Variants in ANKRD30B observed in about 807,000 individuals in gnomAD.
ANKRD30B encodes ankyrin repeat domain-containing protein 30B.
A neutral mutation model predicts 202.2 loss-of-function variants in ANKRD30B; 144 were observed. The ratio of observed to expected loss-of-function variants is 0.71; its 90% CI spans 0.62 to 0.82. The LOEUF (loss-of-function observed/expected upper bound fraction) is 0.82, where lower values mean the gene tolerates loss of function less well. Among genes scored for constraint, ANKRD30B ranks in the 40% least tolerant of loss-of-function variants. The pLI is 0.00. For missense variants in ANKRD30B, 1,487 were observed against 1,669.1 expected, an observed-to-expected ratio of 0.89 and a Z score of 1.90; for synonymous variants, 508 against 561.3, an observed-to-expected ratio of 0.91 and a Z score of 1.34.
At chr18:14,784,298 T>A in intron 12 of ANKRD30B, 38 bp from the exon 13 acceptor site, 1 of 1,599,344 alleles carries the variant, frequency 6.3e-7, no homozygotes, top group Non-Finnish European at 8.6e-7. Flanking sequence ...TTTGTCATAT[T>A]TACTTATGAT....
rs1375997719 is a variant in ANKRD30B at position 14,823,364 on chromosome 18, A to AATGCTG, written c.2743+690_2743+695dup. 4.1e-5 allele frequency among the ~76,000 whole-genome samples: 6 copies of AATGCTG among 144,670 alleles called. No homozygotes were observed. The East Asian group carries it at 1.2e-3, about 29-fold the overall frequency. The allele number at this position is 144,670 out of a possible 152,430, so 94.9% of individuals were successfully genotyped here. ...ACTGTGAAATATTTGCAGTGGTTCA[A>AATGCTG]ATGCTGATTGGAATTCTGATCTTTA... On this transcript the variant is annotated intron_variant, in intron 32 of 43. Coordinates refer to ENST00000690538, the MANE Select transcript of ANKRD30B (RefSeq NM_001367607.2).
intron 5 of ANKRD30B, among the ~76,000 whole-genome samples, chr18:14,759,900 TA>T (rs918062728): frequency 2.7e-4 from 41 of 152,270 alleles, no homozygotes; most frequent in African/African-American, 9.1e-4. Flanking sequence ...ACACTTTTTT[TA>T]AAAAAATTAA....
chr18:14,844,573 A>G (rs1356624982), intron 39 of ANKRD30B, among the ~76,000 whole-genome samples: 1 of 152,226 alleles, frequency 6.6e-6, no homozygotes, highest in Non-Finnish European at 1.5e-5. Flanking sequence ...TAGTAGCATG[A>G]TTTATAATCC....
chr18:14,822,771 T>C (rs540014838), intron 32 of ANKRD30B, 94 bp downstream of exon 32: 1 of 1,365,922 alleles, frequency 7.3e-7, no homozygotes, highest in African/African-American at 1.5e-5. Context: ...TGTTTTCTTT[T>C]CAAAATTGGA....
chr18:14,823,946 G>A (rs1275316429), intron 32 of ANKRD30B, among the ~76,000 whole-genome samples: 2 of 151,976 alleles, frequency 1.3e-5, no homozygotes, highest in East Asian at 3.9e-4. Context: ...CTCCAGCCTT[G>A]GTAACAGAGT....
Position 14,748,525 on chromosome 18 carries a change from T to C in ANKRD30B, c.106T>C (p.Phe36Leu). The change falls in exon 1 of 44, where the codon TTC (phenylalanine) becomes CTC (leucine). Residue 36 changes from phenylalanine (F) to leucine (L), a missense_variant. Coordinates refer to ENST00000690538, the MANE Select transcript of ANKRD30B (RefSeq NM_001367607.2). ...TGAGAAGGACTACGGGACCATCTAC[T>C]TCGGGGATCTAGGGAAGATCCATAC... ...YTEKDYGTIYFGDLGKIHTAA... is the reference protein window; with the variant it reads ...YTEKDYGTIYLGDLGKIHTAA... 1 of 1,552,758 alleles carries C rather than the reference T, an allele frequency of 6.4e-7. No homozygotes were observed. The highest frequency in any genetic ancestry group is 8.7e-7 in the Non-Finnish European group (1 of 1,147,520).
the ANKRD30B span, among the ~76,000 whole-genome samples, chr18:14,871,489 G>A: frequency 2.0e-5 from 3 of 151,172 alleles, no homozygotes; most frequent in African/African-American, 7.3e-5. Flanking sequence ...AGTGACCATT[G>A]CCCCTGGGTT....
At chr18:14,795,036 A>C (rs1968780032) in intron 16 of ANKRD30B, among the ~76,000 whole-genome samples, 5 of 152,242 alleles carry the variant, frequency 3.3e-5, no homozygotes, top group Non-Finnish European at 7.3e-5. Context: ...ATGGTATAAC[A>C]AATAGAATTA....
At position 14,798,634 on chromosome 18, in the gene ANKRD30B, T is replaced by C. The variant is rs1344471413; in HGVS notation, c.2030-467T>C. ...CGTTCATAGCACTATCTTATCCATA[T>C]GGACAGGCACCCCCCTCCGTGCGTC... is the stretch of plus-strand genomic sequence containing the variant. On this transcript the variant is annotated intron_variant, in intron 20 of 43. Transcript: ENST00000690538. Among the ~76,000 whole-genome samples, 7 of 152,240 alleles carry C rather than the reference T, an allele frequency of 4.6e-5. No individual in the cohort carries two copies. In the East Asian group the frequency reaches 1.4e-3, roughly 29 times the overall value.
chr18:14,887,261 A>G, the ANKRD30B span, among the ~76,000 whole-genome samples: 1 of 151,982 alleles, frequency 6.6e-6, no homozygotes, highest in African/African-American at 2.4e-5. Context: ...CCTTATTCCT[A>G]ACTGTATCTT....
At chr18:14,770,838 G>A (rs1966951821) in intron 8 of ANKRD30B, among the ~76,000 whole-genome samples, 1 of 151,964 alleles carries the variant, frequency 6.6e-6, no homozygotes, top group African/African-American at 2.4e-5. Context: ...AGAGCCACTG[G>A]GAAAGGTCTC....
the ANKRD30B span, among the ~76,000 whole-genome samples, chr18:14,860,601 AT>A: frequency 1.3e-5 from 2 of 150,844 alleles, no homozygotes; most frequent in South Asian, 4.2e-4. Flanking sequence ...CAAATTACCT[AT>A]AAAGTAAATT....
At chr18:14,800,446 T>G (rs1489716283) in intron 22 of ANKRD30B, among the ~76,000 whole-genome samples, 3 of 151,132 alleles carry the variant, frequency 2.0e-5, no homozygotes, top group African/African-American at 7.4e-5. Context: ...TGCCTGGGCC[T>G]CCCAAGTAGC....
chr18:14,835,328 G>T (rs1971125730), intron 34 of ANKRD30B, among the ~76,000 whole-genome samples: 1 of 151,386 alleles, frequency 6.6e-6, no homozygotes, highest in Non-Finnish European at 1.5e-5. Context: ...TTGTTTTAAA[G>T]TAAAGTACCT....
the ANKRD30B span, among the ~76,000 whole-genome samples, chr18:14,937,782 T>G: frequency 1.3e-5 from 2 of 152,250 alleles, no homozygotes; most frequent in Non-Finnish European, 2.9e-5. Context: ...CTTTTGTTAC[T>G]TTGTGTGTGC....
chr18:14,911,563 C>T, the ANKRD30B span, among the ~76,000 whole-genome samples: 1 of 151,958 alleles, frequency 6.6e-6, no homozygotes, highest in Admixed American at 6.6e-5. Context: ...TAATGTGATG[C>T]CTCCTCCTTT....
At chr18:14,827,294 A>G (rs1398770790) in intron 32 of ANKRD30B, among the ~76,000 whole-genome samples, 1 of 152,178 alleles carries the variant, frequency 6.6e-6, no homozygotes, top group African/African-American at 2.4e-5. Flanking sequence ...ACTCCTTAGA[A>G]TGACACATTA....
chr18:14,808,277 A>G lies in ANKRD30B; in HGVS notation c.2285-274A>G, dbSNP rs200181436. The G allele has an allele frequency of 9.2e-6, 4 of 435,926 alleles. No homozygotes were observed. The East Asian group carries it at 2.2e-4, about 24-fold the overall frequency. The allele number at this position is 435,926 out of a possible 1,614,324, so 27.0% of individuals were successfully genotyped here. On this transcript the variant is annotated intron_variant, in intron 24 of 43. Coordinates refer to ENST00000690538, the MANE Select transcript of ANKRD30B (RefSeq NM_001367607.2). ...GCAGATTAATCTTACTGGTATTAGG[A>G]TTTTTCTACTTTAGTTATTGTCAGT...
chr18:14,815,594 G>T (rs927761167), intron 30 of ANKRD30B, among the ~76,000 whole-genome samples: 1 of 152,086 alleles, frequency 6.6e-6, no homozygotes, highest in Non-Finnish European at 1.5e-5. Flanking sequence ...AGACAGAAAA[G>T]GTTAGGAGAA....
Sources: gnomAD v4.1 joint callset for allele counts (sites outside exome capture counted in the v4.1 genomes callset) on GRCh38, gnomAD v4.1.1 for gene constraint, MANE v1.5 for transcripts, NCBI Gene and HGNC (gene_info 2026-07-23, HGNC 2026-07-21) for gene names.